The following ZNF385D variants were observed in gnomAD, a reference collection of about 807,000 sequenced individuals.
ZNF385D encodes zinc finger protein 659.
Under a neutral mutation model 35.8 loss-of-function variants are expected in ZNF385D, and 15 were observed. That is an observed-to-expected ratio of 0.42 (90% CI 0.28 to 0.64). The LOEUF (loss-of-function observed/expected upper bound fraction) is 0.64. ZNF385D is among the 30% of genes least tolerant of loss of function. The pLI is 0.23. For missense variants in ZNF385D, 474 were observed against 494.6 expected, an observed-to-expected ratio of 0.96 and a Z score of 0.39; for synonymous variants, 212 against 186.8, an observed-to-expected ratio of 1.13 and a Z score of -1.10.
intron 3 of ZNF385D, among the ~76,000 whole-genome samples, chr3:22,048,418 T>C (rs1285982619): frequency 6.6e-6 from 1 of 152,180 alleles, no homozygotes; most frequent in Non-Finnish European, 1.5e-5. Flanking sequence ...AGTTGATTTT[T>C]CAATGGGGTG....
At chr3:22,094,325 CCTTTT>C (rs1445523176) in intron 3 of ZNF385D, among the ~76,000 whole-genome samples, 5 of 106,200 alleles carry the variant, frequency 4.7e-5, no homozygotes, top group Non-Finnish European at 1.1e-4. Flanking sequence ...TAAGTTGTAC[CCTTTT>C]TTTTCTTTCA....
chr3:21,589,267 G>T (rs967635953), intron 2 of ZNF385D, among the ~76,000 whole-genome samples: 7 of 152,182 alleles, frequency 4.6e-5, no homozygotes, highest in African/African-American at 1.7e-4. Context: ...TTCAGGCAAA[G>T]GCCCAAGCAA....
intron 3 of ZNF385D, among the ~76,000 whole-genome samples, chr3:22,037,609 C>A (rs983864373): frequency 6.6e-6 from 1 of 151,978 alleles, no homozygotes; most frequent in Non-Finnish European, 1.5e-5. Context: ...TGGATATTAG[C>A]CCTTTGTCAG....
Position 21,564,617 on chromosome 3 carries a change from TG to T in ZNF385D, c.232del (p.Gln78LysfsTer10). On this transcript the variant is annotated frameshift_variant, in exon 3 of 8. Coordinates refer to ENST00000281523, the MANE Select transcript of ZNF385D (RefSeq NM_024697.3). LOFTEE classifies it high-confidence loss of function. ...CTGGCAAATGTTGCATGATATGATTTGCTTTCTTCGGTGGGGAAGAGGAACC... is the reference window on the plus strand; with the variant it reads ...CTGGCAAATGTTGCATGATATGATTTCTTTCTTCGGTGGGGAAGAGGAACC... ...FGVPLPHRRK[Q>X]IISCNICQLR... The T allele has an allele frequency of 6.3e-7, 1 of 1,575,336 alleles. No individual in the cohort carries two copies. The highest frequency in any genetic ancestry group is 8.6e-7 in the Non-Finnish European group (1 of 1,159,798).
intron 3 of ZNF385D, among the ~76,000 whole-genome samples, chr3:22,038,357 C>A (rs1484772413): frequency 6.6e-6 from 1 of 152,164 alleles, no homozygotes; most frequent in African/African-American, 2.4e-5. Flanking sequence ...CTGGCTTTCT[C>A]ACTTATTATC....
At chr3:21,868,211 T>A (rs2125841960) in intron 3 of ZNF385D, among the ~76,000 whole-genome samples, 1 of 152,252 alleles carries the variant, frequency 6.6e-6, no homozygotes, top group South Asian at 2.1e-4. Context: ...ATTTTTCAAC[T>A]CACTTATTGC....
chr3:21,987,529 G>A (rs1248299039), intron 3 of ZNF385D, among the ~76,000 whole-genome samples: 99 of 129,266 alleles, frequency 7.7e-4, no homozygotes, highest in African/African-American at 3.0e-3. Context: ...GGTTTCTGCC[G>A]AGAGATCCAC....
At position 21,869,748 on chromosome 3, in the gene ZNF385D, G is replaced by T. The variant is rs559969048; in HGVS notation, c.326-204720C>A. Among the ~76,000 whole-genome samples the T allele has an allele frequency of 4.7e-4, 72 of 152,236 alleles. No homozygotes were observed. In the South Asian group the frequency reaches 0.014, roughly 29 times the overall value. On this transcript the variant is annotated intron_variant, in intron 3 of 5. Transcript: ENST00000494108. ...AATTAGTTAATGCCACCTATTTGGA[G>T]TACAGATTAGAATCTTATACTATAA...
At chr3:22,115,240 G>A (rs969247755) in intron 3 of ZNF385D, among the ~76,000 whole-genome samples, 1 of 151,994 alleles carries the variant, frequency 6.6e-6, no homozygotes, top group Non-Finnish European at 1.5e-5. Context: ...AAATTTACAA[G>A]AACCAGGGAG....
intron 2 of ZNF385D, among the ~76,000 whole-genome samples, chr3:22,288,723 A>G (rs1702147858): frequency 6.6e-6 from 1 of 152,044 alleles, no homozygotes; most frequent in Non-Finnish European, 1.5e-5. Context: ...CCTTATTTTT[A>G]GCATCTAAAG....
At chr3:22,114,995 C>A (rs1702735453) in intron 3 of ZNF385D, among the ~76,000 whole-genome samples, 2 of 152,052 alleles carry the variant, frequency 1.3e-5, no homozygotes, top group African/African-American at 2.4e-5. Flanking sequence ...GCCTCCAGAA[C>A]TGCAAGAAAT....
chr3:21,456,803 TC>T (rs1417322341), intron 4 of ZNF385D, among the ~76,000 whole-genome samples: 1 of 152,148 alleles, frequency 6.6e-6, no homozygotes, highest in Non-Finnish European at 1.5e-5. Context: ...GGAATGCTTT[TC>T]CCCAGATAGC....
rs1000305844 is a variant in ZNF385D at position 21,680,481 on chromosome 3, T to C, written c.23-15453A>G. Among the ~76,000 whole-genome samples, 3 of 152,156 alleles carry C rather than the reference T, an allele frequency of 2.0e-5. 1 individual carries two copies. Among genetic ancestry groups the C allele is most frequent in the Admixed American group, 2.0e-4 (3 of 15,250 alleles). On this transcript the variant is annotated intron_variant, in intron 1 of 7. Transcript: ENST00000281523. ...TTATCACATAGTAATAAAAAGACAT[T>C]GGTAGACCACAATTTGTTCTTTCCT...
At chr3:22,039,679 T>A (rs1001937504) in intron 3 of ZNF385D, among the ~76,000 whole-genome samples, 6 of 152,144 alleles carry the variant, frequency 3.9e-5, no homozygotes, top group Non-Finnish European at 7.4e-5. Flanking sequence ...GTTAAATTCA[T>A]TGCAAATCCA....
intron 3 of ZNF385D, among the ~76,000 whole-genome samples, chr3:22,007,558 A>G (rs115257111): frequency 0.012 from 1,830 of 152,274 alleles, 33 homozygotes; most frequent in African/African-American, 0.042. Context: ...ATTTTGAAAA[A>G]TATTGCCAAA....
intron 6 of ZNF385D, among the ~76,000 whole-genome samples, chr3:21,424,697 T>TTC (rs1435474324): frequency 2.0e-5 from 3 of 151,100 alleles, no homozygotes; most frequent in Admixed American, 2.0e-4. Context: ...CTCTTTTTTT[T>TTC]TTTTTTTTGA....
chr3:21,908,406 C>T (rs1408550052), intron 3 of ZNF385D, among the ~76,000 whole-genome samples: 1 of 151,974 alleles, frequency 6.6e-6, no homozygotes, highest in Non-Finnish European at 1.5e-5. Context: ...TTCATTCATA[C>T]CAAAAAGCAA....
chr3:21,690,726 G>A (rs1050320973), intron 1 of ZNF385D, among the ~76,000 whole-genome samples: 21 of 152,286 alleles, frequency 1.4e-4, no homozygotes, highest in African/African-American at 4.1e-4. Flanking sequence ...AAATGGGATC[G>A]TGTTAGATAT....
intron 3 of ZNF385D, among the ~76,000 whole-genome samples, chr3:21,518,968 A>G (rs1054578001): frequency 1.3e-5 from 2 of 152,200 alleles, no homozygotes; most frequent in Non-Finnish European, 2.9e-5. Context: ...ATGAATAAAA[A>G]TGAATATTCA....
Sources: gnomAD v4.1 joint callset for allele counts (sites outside exome capture counted in the v4.1 genomes callset) on GRCh38, gnomAD v4.1.1 for gene constraint, MANE v1.5 for transcripts, NCBI Gene and HGNC (gene_info 2026-07-23, HGNC 2026-07-21) for gene names.